PPARG: variants seen among roughly 807,000 people sequenced by gnomAD.
PPARG encodes peroxisome proliferator-activated receptor gamma.
Under a neutral mutation model 39.2 loss-of-function variants are expected in PPARG, and 17 were observed. That is an observed-to-expected ratio of 0.43 (90% CI 0.30 to 0.65). The LOEUF (loss-of-function observed/expected upper bound fraction) is 0.65. Ranked by LOEUF, PPARG falls within the 30% of genes least tolerant of loss-of-function variation. The pLI is 0.13. For missense variants in PPARG, 406 were observed against 585.9 expected (o/e 0.69, Z 3.17); for synonymous variants, 223 against 215.7 (o/e 1.03, Z -0.30).
At chr3:12,372,710 C>A (rs2049265054) in intron 2 of PPARG, among the ~76,000 whole-genome samples, 1 of 152,220 alleles carries the variant, frequency 6.6e-6, no homozygotes, top group African/African-American at 2.4e-5. Context: ...TTCCAACCCA[C>A]TTCCATACTC....
chr3:12,391,028 G>A (rs951806494), intron 4 of PPARG, among the ~76,000 whole-genome samples: 2 of 152,112 alleles, frequency 1.3e-5, no homozygotes, highest in African/African-American at 4.8e-5. Context: ...TATCGCCTTT[G>A]TAACATCTCA....
At chr3:12,298,006 T>C (rs1350376682) in intron 1 of PPARG, 2 of 151,188 alleles carry the variant, frequency 1.3e-5, no homozygotes, top group Non-Finnish European at 2.9e-5. Context: ...ATTTTAAAAA[T>C]AAAAAGAAAT....
intron 7 of PPARG, among the ~76,000 whole-genome samples, chr3:12,418,894 TTAAAA>T (rs1038282058): frequency 6.6e-6 from 1 of 152,208 alleles, no homozygotes; most frequent in Non-Finnish European, 1.5e-5. Context: ...GTGATTCACT[TTAAAA>T]TAACTACTTG....
chr3:12,430,179 A>C (rs1401574439), intron 7 of PPARG, among the ~76,000 whole-genome samples: 1 of 148,716 alleles, frequency 6.7e-6, no homozygotes, highest in Non-Finnish European at 1.5e-5. Flanking sequence ...TAGACACAGG[A>C]AAACATCGTT....
At chr3:12,331,188 A>G (rs548611034) in intron 2 of PPARG, among the ~76,000 whole-genome samples, 13 of 152,344 alleles carry the variant, frequency 8.5e-5, no homozygotes, top group Middle Eastern at 3.4e-3. Context: ...AAAAAGAACA[A>G]GTATTAACTA....
chr3:12,410,098 G>A (rs761856687), intron 6 of PPARG, among the ~76,000 whole-genome samples: 1 of 152,226 alleles, frequency 6.6e-6, no homozygotes, highest in South Asian at 2.1e-4. Context: ...GGAATCGTCA[G>A]CTATAGATTG....
intron 2 of PPARG, among the ~76,000 whole-genome samples, chr3:12,315,783 C>G (rs960302160): frequency 6.6e-6 from 1 of 152,146 alleles, no homozygotes; most frequent in Admixed American, 6.6e-5. Flanking sequence ...AATAACTCCA[C>G]AAAGCTCTGC....
intron 4 of PPARG, among the ~76,000 whole-genome samples, chr3:12,383,915 G>A (rs961043985): frequency 2.0e-5 from 3 of 151,974 alleles, no homozygotes; most frequent in Non-Finnish European, 4.4e-5. Context: ...AAAGCAGGGA[G>A]GGAGAAAAAA....
chr3:12,381,190 TCA>T, intron 3 of PPARG, 130 bp from the exon 4 acceptor site: 1 of 932,648 alleles, frequency 1.1e-6, no homozygotes, highest in Non-Finnish European at 1.7e-6. Flanking sequence ...CAGTGTTTTT[TCA>T]TGTTCCACTG....
intron 2 of PPARG, among the ~76,000 whole-genome samples, chr3:12,341,497 A>G (rs1316506700): frequency 6.6e-6 from 1 of 152,120 alleles, no homozygotes; most frequent in Non-Finnish European, 1.5e-5. Context: ...TGCTGAAGGA[A>G]AGATCTTCCT....
chr3:12,424,191 A>G lies in PPARG; in HGVS notation c.1180+7037A>G, dbSNP rs1172078061. On this transcript the variant is annotated intron_variant, in intron 7 of 7. Transcript: ENST00000651735. ...AACTGGCACCCAATTTTTAAAAACC[A>G]CAGAGCTGGGGGCGGGGATAGAATG... is the stretch of plus-strand genomic sequence containing the variant. Among the ~76,000 whole-genome samples the G allele has an allele frequency of 3.3e-5, 5 of 152,238 alleles. No homozygotes were observed. The South Asian group carries it at 8.3e-4, about 25-fold the overall frequency.
intron 2 of PPARG, among the ~76,000 whole-genome samples, chr3:12,335,911 G>C (rs775855598): frequency 2.0e-5 from 3 of 152,040 alleles, no homozygotes; most frequent in Non-Finnish European, 1.5e-5. Context: ...TGACACCACT[G>C]TCCTTTCTAA....
chr3:12,325,254 C>G (rs970568557), intron 2 of PPARG, among the ~76,000 whole-genome samples: 3 of 152,194 alleles, frequency 2.0e-5, no homozygotes, highest in Non-Finnish European at 4.4e-5. Flanking sequence ...AACCCCGTCT[C>G]TACTAAAGAT....
chr3:12,348,164 A>G (rs978458009), intron 2 of PPARG, among the ~76,000 whole-genome samples: 32 of 152,322 alleles, frequency 2.1e-4, no homozygotes, highest in Middle Eastern at 3.4e-3. Flanking sequence ...TTAATATTCT[A>G]TATTATGGGA....
chr3:12,343,701 T>C (rs928566917), intron 2 of PPARG, among the ~76,000 whole-genome samples: 4 of 152,172 alleles, frequency 2.6e-5, no homozygotes, highest in African/African-American at 9.7e-5. Context: ...GGCTTGAGAA[T>C]TGATGCTCAG....
chr3:12,365,576 AATTATT>A lies in PPARG; in HGVS notation c.-8-14115_-8-14110del, dbSNP rs888069202. On this transcript the variant is annotated intron_variant, in intron 2 of 7. Coordinates refer to ENST00000651735, the MANE Select transcript of PPARG (RefSeq NM_138711.6). The stretch of plus-strand genomic sequence containing the variant: ...ATGAAGAGAATAAGCTCTGTGTCTA[AATTATT>A]ATTATTATTATTGTTATTATTATAT... Among the ~76,000 whole-genome samples, 5 of 151,472 alleles carry A rather than the reference AATTATT, an allele frequency of 3.3e-5. No individual in the cohort carries two copies. The South Asian group carries it at 6.3e-4, about 19-fold the overall frequency.
intron 2 of PPARG, among the ~76,000 whole-genome samples, chr3:12,320,998 A>G (rs1678429273): frequency 6.6e-6 from 1 of 152,256 alleles, no homozygotes; most frequent in African/African-American, 2.4e-5. Context: ...TGGGAAAAGC[A>G]TTAAGCTCCT....
chr3:12,343,218 C>G (rs1290348883), intron 2 of PPARG, among the ~76,000 whole-genome samples: 1 of 152,138 alleles, frequency 6.6e-6, no homozygotes, highest in Non-Finnish European at 1.5e-5. Flanking sequence ...TTCTCATTCC[C>G]CAAGTTCATT....
chr3:12,366,835 A>C (rs776702013), intron 2 of PPARG, among the ~76,000 whole-genome samples: 4 of 152,140 alleles, frequency 2.6e-5, no homozygotes, highest in Admixed American at 6.6e-5. Flanking sequence ...TCTGTCCATG[A>C]GAGATTGGTC....
Sources: allele counts gnomAD v4.1 joint callset (sites outside exome capture counted in the v4.1 genomes callset), GRCh38; gene constraint gnomAD v4.1.1; transcripts MANE v1.5; gene names NCBI Gene and HGNC (gene_info 2026-07-23, HGNC 2026-07-21).